The following TMEM108 variants were observed in gnomAD, a reference collection of about 807,000 sequenced individuals.
TMEM108 encodes cancer/testis antigen 124.
Under a neutral mutation model 35.1 loss-of-function variants are expected in TMEM108, and 12 were observed. That is an observed-to-expected ratio of 0.34 (90% CI 0.22 to 0.55). The LOEUF (loss-of-function observed/expected upper bound fraction) is 0.55, where lower values mean the gene tolerates loss of function less well. TMEM108 is among the 20% of genes least tolerant of loss of function. The pLI is 0.89. For synonymous variants in TMEM108, 287 were observed against 308.6 expected, an observed-to-expected ratio of 0.93 and a Z score of 0.73; for missense variants, 680 against 753.3, an observed-to-expected ratio of 0.90 and a Z score of 1.14.
intron 1 of TMEM108, among the ~76,000 whole-genome samples, chr3:133,038,938 T>A (rs956046008): frequency 2.0e-5 from 3 of 151,708 alleles, no homozygotes; most frequent in Admixed American, 6.6e-5. Context: ...CGAAGAGCCC[T>A]CCTGCCTAGG....
At chr3:133,381,257 TG>T (rs2073005426) in intron 4 of TMEM108, 96 bp downstream of exon 4, 1 of 1,350,646 alleles carries the variant, frequency 7.4e-7, no homozygotes, top group Non-Finnish European at 1.0e-6. Context: ...CCTTGCCAAG[TG>T]GGCTACAAAA....
In TMEM108 at chr3:133,129,374, G is replaced by A. The variant is rs904898416; in HGVS notation, c.-47+83354G>A. 3.8e-5 allele frequency among the ~76,000 whole-genome samples: 5 copies of A among 132,570 alleles called. 1 individual carries two copies. The highest frequency in any genetic ancestry group is 4.6e-4 in the South Asian group (2 of 4,358). 87.0% of individuals were successfully genotyped at this position (132,570 alleles called of 152,430 possible). A position where few individuals can be genotyped will look rare whatever the true frequency, so the allele number is the denominator to read the frequency against. On this transcript the variant is annotated intron_variant, in intron 2 of 5. Coordinates refer to ENST00000321871, the MANE Select transcript of TMEM108 (RefSeq NM_023943.4). Reference sequence around the variant, plus strand: ...CCCCCCCCCCCAAAAAAAAATAAACGAAACACTAAATTAGTTCTTTGCTGG... The same window carrying A: ...CCCCCCCCCCCAAAAAAAAATAAACAAAACACTAAATTAGTTCTTTGCTGG...
intron 3 of TMEM108, among the ~76,000 whole-genome samples, chr3:133,348,192 A>G (rs1212758559): frequency 2.0e-5 from 3 of 152,120 alleles, no homozygotes; most frequent in Non-Finnish European, 4.4e-5. Flanking sequence ...TGTATTACAA[A>G]TATAAGAGAA....
chr3:133,073,510 CTA>C (rs1183039173), intron 2 of TMEM108, among the ~76,000 whole-genome samples: 1,700 of 43,888 alleles, frequency 0.039, 68 homozygotes, highest in African/African-American at 0.1. Flanking sequence ...CTCTCTCTCT[CTA>C]TATATATATA....
intron 3 of TMEM108, among the ~76,000 whole-genome samples, chr3:133,307,677 G>A (rs2071062893): frequency 1.3e-5 from 2 of 152,086 alleles, no homozygotes; most frequent in African/African-American, 4.8e-5. Flanking sequence ...AGATCAGATG[G>A]TTGTAGATGT....
At chr3:133,249,128 T>A (rs1436495538) in intron 3 of TMEM108, among the ~76,000 whole-genome samples, 1 of 152,130 alleles carries the variant, frequency 6.6e-6, no homozygotes, top group African/African-American at 2.4e-5. Context: ...TCCTTCACAG[T>A]GCCAAAAGAA....
chr3:133,072,565 A>G (rs779303891), intron 2 of TMEM108, among the ~76,000 whole-genome samples: 1 of 152,162 alleles, frequency 6.6e-6, no homozygotes, highest in Non-Finnish European at 1.5e-5. Flanking sequence ...TGGCCAAAGA[A>G]TACCCCACGG....
intron 2 of TMEM108, among the ~76,000 whole-genome samples, chr3:133,080,866 A>G (rs907567638): frequency 6.6e-6 from 1 of 152,260 alleles, no homozygotes; most frequent in African/African-American, 2.4e-5. Flanking sequence ...TAGTCTCTAG[A>G]TAGACACAAG....
intron 2 of TMEM108, among the ~76,000 whole-genome samples, chr3:133,091,858 A>T (rs999376969): frequency 1.4e-4 from 18 of 129,600 alleles, no homozygotes; most frequent in South Asian, 9.6e-4. Flanking sequence ...GACTTCTTAT[A>T]AAAAAAAAAC....
intron 4 of TMEM108, among the ~76,000 whole-genome samples, chr3:133,384,012 T>C (rs2073081842): frequency 6.6e-6 from 1 of 152,158 alleles, no homozygotes; most frequent in Non-Finnish European, 1.5e-5. Context: ...TGGAAGAATA[T>C]TTGTCCAGCT....
chr3:133,202,614 A>G (rs966785640), intron 2 of TMEM108, among the ~76,000 whole-genome samples: 3 of 151,896 alleles, frequency 2.0e-5, no homozygotes, highest in African/African-American at 7.3e-5. Flanking sequence ...GATGTGTGGT[A>G]TTATTTCTGA....
chr3:133,374,521 T>C (rs1451842511), intron 3 of TMEM108, among the ~76,000 whole-genome samples: 3 of 147,334 alleles, frequency 2.0e-5, no homozygotes, highest in Non-Finnish European at 3.0e-5. Context: ...TGTATGTATA[T>C]GTGTGTATAT....
At chr3:133,357,606 A>C (rs2072213224) in intron 3 of TMEM108, among the ~76,000 whole-genome samples, 1 of 152,238 alleles carries the variant, frequency 6.6e-6, no homozygotes, top group Admixed American at 6.5e-5. Flanking sequence ...ATAAAAAGAA[A>C]CAAAATAATG....
At chr3:133,371,559 T>C (rs2072672198) in intron 3 of TMEM108, among the ~76,000 whole-genome samples, 2 of 144,728 alleles carry the variant, frequency 1.4e-5, no homozygotes, top group African/African-American at 5.2e-5. Flanking sequence ...ATACCACCTT[T>C]TATGATCTGA....
At chr3:133,359,270 T>G (rs891021677) in intron 3 of TMEM108, among the ~76,000 whole-genome samples, 46 of 152,232 alleles carry the variant, frequency 3.0e-4, no homozygotes, top group African/African-American at 1.1e-3. Flanking sequence ...ACCCTGCTTT[T>G]TAATTCCAGG....
chr3:133,086,004 T>A (rs1368936537), intron 2 of TMEM108, among the ~76,000 whole-genome samples: 2 of 152,210 alleles, frequency 1.3e-5, no homozygotes, highest in Non-Finnish European at 1.5e-5. Flanking sequence ...TCAACTCTTC[T>A]AATTTCTGTC....
intron 2 of TMEM108, among the ~76,000 whole-genome samples, chr3:133,075,646 C>T (rs570696808): frequency 5.3e-5 from 8 of 152,286 alleles, no homozygotes; most frequent in African/African-American, 1.4e-4. Context: ...TCCTCCCTTG[C>T]ACCTATCCTT....
intron 2 of TMEM108, among the ~76,000 whole-genome samples, chr3:133,151,048 C>G (rs146922021): frequency 7.7e-4 from 118 of 152,288 alleles, no homozygotes; most frequent in African/African-American, 2.7e-3. Flanking sequence ...CTGCTACCCC[C>G]TCTTCCAAGA....
intron 2 of TMEM108, among the ~76,000 whole-genome samples, chr3:133,123,754 A>G (rs1389168779): frequency 6.6e-6 from 1 of 152,256 alleles, no homozygotes; most frequent in African/African-American, 2.4e-5. Context: ...GCACCCTACC[A>G]GCAGGAAATG....
Sources: allele counts gnomAD v4.1 joint callset (sites outside exome capture counted in the v4.1 genomes callset), GRCh38; gene constraint gnomAD v4.1.1; transcripts MANE v1.5; gene names NCBI Gene and HGNC (gene_info 2026-07-23, HGNC 2026-07-21).